Variants in NPAS3 observed in about 807,000 individuals in gnomAD.
NPAS3 encodes neuronal PAS domain-containing protein 3.
Under a neutral mutation model 73.1 loss-of-function variants are expected in NPAS3, and 14 were observed. The ratio of observed to expected loss-of-function variants is 0.19; its 90% CI spans 0.13 to 0.30. The LOEUF (loss-of-function observed/expected upper bound fraction) is 0.30. Among genes scored for constraint, NPAS3 ranks in the 10% least tolerant of loss-of-function variants. The pLI is 1.00. For synonymous variants in NPAS3, 620 were observed against 541.5 expected, an observed-to-expected ratio of 1.14 and a Z score of -2.01; for missense variants, 1,096 against 1,250.0, an observed-to-expected ratio of 0.88 and a Z score of 1.86.
intron 3 of NPAS3, among the ~76,000 whole-genome samples, chr14:33,281,410 C>A (rs1416448272): frequency 6.6e-6 from 1 of 152,078 alleles, no homozygotes; most frequent in Non-Finnish European, 1.5e-5. Context: ...GCAGGTGGAT[C>A]ACTTAAGGTC....
intron 3 of NPAS3, among the ~76,000 whole-genome samples, chr14:33,245,616 A>G (rs2048348229): frequency 6.6e-6 from 1 of 152,226 alleles, no homozygotes; most frequent in African/African-American, 2.4e-5. Flanking sequence ...GGAATATGAA[A>G]TGGATATGCT....
chr14:33,676,148 G>T, intron 5 of NPAS3, 63 bp from the exon 6 acceptor site: 1 of 1,530,172 alleles, frequency 6.5e-7, no homozygotes, highest in South Asian at 1.1e-5. Context: ...TCACTGTGTT[G>T]AATTTGAAAA....
At chr14:33,404,935 C>G (rs1233436927) in intron 4 of NPAS3, among the ~76,000 whole-genome samples, 1 of 152,064 alleles carries the variant, frequency 6.6e-6, no homozygotes, top group African/African-American at 2.4e-5. Context: ...GTCTGTTTGT[C>G]CCATGTTGCT....
chr14:33,133,079 T>C (rs1396318760), intron 2 of NPAS3, among the ~76,000 whole-genome samples: 3 of 152,182 alleles, frequency 2.0e-5, no homozygotes, highest in Admixed American at 6.6e-5. Context: ...ATATGACTTA[T>C]GAAAGAAGAC....
intron 1 of NPAS3, among the ~76,000 whole-genome samples, chr14:32,982,729 G>A (rs1029134910): frequency 3.9e-5 from 6 of 152,136 alleles, no homozygotes; most frequent in African/African-American, 1.4e-4. Context: ...TGCATTATAT[G>A]AACCAGTCAA....
At chr14:33,541,480 A>G (rs910483453) in intron 4 of NPAS3, among the ~76,000 whole-genome samples, 2 of 152,170 alleles carry the variant, frequency 1.3e-5, no homozygotes, top group East Asian at 3.9e-4. Context: ...TTAAATAGTC[A>G]GGTAATTAAG....
intron 4 of NPAS3, among the ~76,000 whole-genome samples, chr14:33,542,008 A>G (rs1017856935): frequency 6.6e-6 from 1 of 152,050 alleles, no homozygotes; most frequent in African/African-American, 2.4e-5. Context: ...TGTAGTAGCC[A>G]CCTATTTGAC....
intron 4 of NPAS3, among the ~76,000 whole-genome samples, chr14:33,369,404 C>CAAAAAACAAAAAAAAAAA (rs2045982076): frequency 1.1e-5 from 1 of 90,890 alleles, no homozygotes; most frequent in Non-Finnish European, 2.2e-5. Flanking sequence ...GCCTCATTTC[C>CAAAAAACAAAAAAAAAAA]AAAAAAAAAA....
At chr14:32,984,137 G>T (rs1279208) in intron 1 of NPAS3, among the ~76,000 whole-genome samples, 138,074 of 152,274 alleles carry the variant, frequency 0.91, 62,977 homozygotes, top group Non-Finnish European at 0.96. Context: ...ACATTATATG[G>T]TTTCCCATGT....
chr14:33,445,879 G>A (rs1260145096), intron 4 of NPAS3, among the ~76,000 whole-genome samples: 1 of 151,844 alleles, frequency 6.6e-6, no homozygotes, highest in Non-Finnish European at 1.5e-5. Context: ...AGGGTACACA[G>A]GGACCTCCCT....
At chr14:33,478,635 G>T (rs1482157266) in intron 4 of NPAS3, among the ~76,000 whole-genome samples, 1 of 152,156 alleles carries the variant, frequency 6.6e-6, no homozygotes, top group Non-Finnish European at 1.5e-5. Flanking sequence ...TCACTACCAG[G>T]CCTGATGAAT....
intron 1 of NPAS3, among the ~76,000 whole-genome samples, chr14:33,006,661 G>A (rs2039013285): frequency 6.6e-6 from 1 of 152,116 alleles, no homozygotes; most frequent in Non-Finnish European, 1.5e-5. Flanking sequence ...TGCAATGGGT[G>A]GACTCATTTC....
chr14:33,431,507 C>G (rs2048782161), intron 4 of NPAS3, among the ~76,000 whole-genome samples: 1 of 152,120 alleles, frequency 6.6e-6, no homozygotes, highest in Non-Finnish European at 1.5e-5. Context: ...TTCATGTATC[C>G]TGATTCTAGA....
At chr14:33,199,713 CCTTCTTCTTCCCCTCCCT>C (rs1230274235) in intron 2 of NPAS3, among the ~76,000 whole-genome samples, 2 of 147,842 alleles carry the variant, frequency 1.4e-5, no homozygotes, top group African/African-American at 5.0e-5. Flanking sequence ...TTCCCCTCCC[CCTTCTTCTTCCCCTCCCT>C]CTTTCCCTCC....
rs199839757 is a variant in NPAS3, at chr14:33,800,281, C to G, written c.1974C>G (p.Phe658Leu). ...CGGAGATCTCAGAACCCATCAATTT[C>G]GACAATGACAGCAGCATCTGGAACT... The change falls in exon 12 of 12, where the codon TTC becomes TTG. Residue 658 changes from phenylalanine (F) to leucine (L), a missense_variant. Coordinates refer to ENST00000356141, the Ensembl canonical transcript of NPAS3. The surrounding 1 kb of genome is among the most constrained non-coding windows in gnomAD (Gnocchi z 6.5). 1.7e-4 allele frequency: 271 copies of G among 1,613,430 alleles called. 2 individuals carry two copies. The highest frequency in any genetic ancestry group is 1.9e-5 in the Non-Finnish European group (23 of 1,179,654).
chr14:33,315,398 G>A (rs917446278), intron 3 of NPAS3, among the ~76,000 whole-genome samples: 9 of 151,910 alleles, frequency 5.9e-5, no homozygotes, highest in African/African-American at 2.2e-4. Flanking sequence ...TGAGAATGAG[G>A]TCATTAAAAT....
chr14:33,526,535 C>T (rs1373608744), intron 4 of NPAS3, among the ~76,000 whole-genome samples: 6 of 151,662 alleles, frequency 4.0e-5, no homozygotes, highest in Admixed American at 6.6e-5. Flanking sequence ...AAGGAAGCCA[C>T]TGGTGAATTA....
At chr14:33,473,556 A>AGGCCT (rs2139633046) in intron 4 of NPAS3, among the ~76,000 whole-genome samples, 1 of 152,334 alleles carries the variant, frequency 6.6e-6, no homozygotes, top group South Asian at 2.1e-4. Flanking sequence ...AGAGACACAA[A>AGGCCT]GATGGGCAGA....
At chr14:33,264,800 C>G (rs1475701438) in intron 3 of NPAS3, among the ~76,000 whole-genome samples, 1 of 152,132 alleles carries the variant, frequency 6.6e-6, no homozygotes, top group Non-Finnish European at 1.5e-5. Flanking sequence ...GCAGCCTGAC[C>G]TCTTGCCTCC....
Sources: gnomAD v4.1 joint callset for allele counts (sites outside exome capture counted in the v4.1 genomes callset) on GRCh38, gnomAD v4.1.1 for gene constraint, Gnocchi (gnomAD v3.1) non-coding constraint, MANE v1.5 for transcripts, NCBI Gene and HGNC (gene_info 2026-07-23, HGNC 2026-07-21) for gene names.